Variants in SGCD observed in about 807,000 individuals in gnomAD.
The protein encoded by SGCD is sarcoglycan delta.
In SGCD, 18 loss-of-function variants were observed where a neutral mutation model predicts 36.6. That is an observed-to-expected ratio of 0.49 (90% CI 0.34 to 0.73). The LOEUF is 0.73. SGCD is among the 30% of genes least tolerant of loss of function. SGCD has a pLI of 0.01. For missense variants in SGCD, 387 were observed against 346.7 expected, an observed-to-expected ratio of 1.12 and a Z score of -0.92; for synonymous variants, 133 against 130.6, an observed-to-expected ratio of 1.02 and a Z score of -0.12.
At chr5:156,723,098 C>A (rs1250021225) in intron 7 of SGCD, among the ~76,000 whole-genome samples, 5 of 152,180 alleles carry the variant, frequency 3.3e-5, no homozygotes, top group African/African-American at 1.2e-4. Flanking sequence ...AATGCCAGCA[C>A]TACCAAATTT....
chr5:155,930,334 T>C (rs1268612259), intron 1 of SGCD, among the ~76,000 whole-genome samples: 3 of 152,210 alleles, frequency 2.0e-5, no homozygotes, highest in Non-Finnish European at 4.4e-5. Context: ...GGGTCTGAGA[T>C]GAATGCATTA....
intron 7 of SGCD, among the ~76,000 whole-genome samples, chr5:156,682,457 G>A (rs950004295): frequency 6.6e-6 from 1 of 152,176 alleles, no homozygotes; most frequent in African/African-American, 2.4e-5. Context: ...TAGGCTAAGA[G>A]AAGTAATAAA....
intron 3 of SGCD, among the ~76,000 whole-genome samples, chr5:156,270,774 G>T (rs747748205): frequency 1.6e-4 from 25 of 151,888 alleles, no homozygotes; most frequent in Non-Finnish European, 2.8e-4. Flanking sequence ...GGCATTGACA[G>T]TGTCTGCTGG....
chr5:156,308,520 G>T (rs147107772), intron 3 of SGCD, among the ~76,000 whole-genome samples: 2 of 152,144 alleles, frequency 1.3e-5, no homozygotes, highest in East Asian at 3.9e-4. Context: ...GGATGGTCTC[G>T]ATCTCCTGAC....
intron 7 of SGCD, among the ~76,000 whole-genome samples, chr5:156,689,186 A>T (rs1040060330): frequency 1.3e-5 from 2 of 152,220 alleles, no homozygotes; most frequent in African/African-American, 4.8e-5. Flanking sequence ...TGGTGATATT[A>T]AAGGAGGCTG....
At chr5:156,175,389 T>C (rs1190979223) in intron 3 of SGCD, among the ~76,000 whole-genome samples, 1 of 150,614 alleles carries the variant, frequency 6.6e-6, no homozygotes, top group Non-Finnish European at 1.5e-5. Flanking sequence ...TGGCTCTTAT[T>C]TTGTGAGCGC....
chr5:155,956,942 C>T (rs191310733), intron 1 of SGCD, among the ~76,000 whole-genome samples: 1 of 152,102 alleles, frequency 6.6e-6, no homozygotes, highest in Non-Finnish European at 1.5e-5. Context: ...TACAATTCAA[C>T]CCACTTCACT....
At chr5:155,816,248 T>C in the SGCD span, among the ~76,000 whole-genome samples, 2 of 152,196 alleles carry the variant, frequency 1.3e-5, no homozygotes, top group Non-Finnish European at 2.9e-5. Flanking sequence ...CATCCTCATA[T>C]AACTTTTGAC....
intron 7 of SGCD, among the ~76,000 whole-genome samples, chr5:156,697,853 C>T (rs1754382419): frequency 6.6e-6 from 1 of 152,020 alleles, no homozygotes; most frequent in Non-Finnish European, 1.5e-5. Flanking sequence ...GACCCACTCT[C>T]TAATATATAG....
intron 1 of SGCD, among the ~76,000 whole-genome samples, chr5:156,043,938 G>A (rs1759700030): frequency 6.7e-6 from 1 of 149,122 alleles, no homozygotes; most frequent in Non-Finnish European, 1.5e-5. Flanking sequence ...TAAAACACTG[G>A]AGAAAACCGA....
chr5:155,798,264 T>G, the SGCD span, among the ~76,000 whole-genome samples: 1 of 152,236 alleles, frequency 6.6e-6, no homozygotes, highest in Non-Finnish European at 1.5e-5. Context: ...CTGGCTAATG[T>G]TCACCCAGTT....
chr5:156,285,034 C>T (rs1165857627), intron 3 of SGCD, among the ~76,000 whole-genome samples: 10 of 152,134 alleles, frequency 6.6e-5, no homozygotes, highest in Non-Finnish European at 7.3e-5. Context: ...CAATAACACA[C>T]AAACAGAGAG....
intron 6 of SGCD, among the ~76,000 whole-genome samples, chr5:156,638,154 G>A (rs570929271): frequency 6.4e-4 from 96 of 150,766 alleles, no homozygotes; most frequent in Non-Finnish European, 1.2e-3. Flanking sequence ...ACATCTCACT[G>A]GTATCCATTG....
chr5:156,176,603 G>A (rs1409000704), intron 3 of SGCD, among the ~76,000 whole-genome samples: 1 of 151,976 alleles, frequency 6.6e-6, no homozygotes, highest in Non-Finnish European at 1.5e-5. Flanking sequence ...GTGGTGAAGA[G>A]CTCATATGTT....
At chr5:156,498,681 T>A (rs932073650) in intron 3 of SGCD, among the ~76,000 whole-genome samples, 33 of 152,214 alleles carry the variant, frequency 2.2e-4, no homozygotes, top group Non-Finnish European at 1.5e-4. Context: ...TAATAGGCAT[T>A]TAGGTGGTTT....
intron 3 of SGCD, among the ~76,000 whole-genome samples, chr5:156,444,980 A>T (rs1322890135): frequency 6.6e-6 from 1 of 152,176 alleles, no homozygotes; most frequent in Non-Finnish European, 1.5e-5. Context: ...TTTTACATTA[A>T]CTAGGTTACT....
chr5:155,968,047 G>A (rs753995585), intron 1 of SGCD, among the ~76,000 whole-genome samples: 48 of 152,160 alleles, frequency 3.2e-4, no homozygotes, highest in Non-Finnish European at 6.6e-4. Flanking sequence ...TTGATAAACT[G>A]CCTCAATATT....
At chr5:156,008,577 C>T (rs751516434) in intron 1 of SGCD, among the ~76,000 whole-genome samples, 59 of 152,120 alleles carry the variant, frequency 3.9e-4, no homozygotes, top group African/African-American at 1.2e-3. Flanking sequence ...GGTCTTGCTG[C>T]GTTGCCCAGG....
At chr5:155,977,249 T>C (rs1304844084) in intron 1 of SGCD, among the ~76,000 whole-genome samples, 3 of 152,198 alleles carry the variant, frequency 2.0e-5, no homozygotes, top group Non-Finnish European at 4.4e-5. Flanking sequence ...TTCACATCAC[T>C]TATTGTTTTC....
Sources: allele counts gnomAD v4.1 joint callset (sites outside exome capture counted in the v4.1 genomes callset), GRCh38; gene constraint gnomAD v4.1.1; transcripts MANE v1.5; gene names NCBI Gene and HGNC (gene_info 2026-07-23, HGNC 2026-07-21).